Variants in ZSCAN4 observed in about 807,000 individuals in gnomAD.
ZSCAN4 encodes the protein zinc finger and SCAN domain containing 4.
ZSCAN4 carries 18 observed loss-of-function variants against 18.3 expected under a neutral mutation model. That is an observed-to-expected ratio of 0.98 (90% CI 0.68 to 1.46). The LOEUF (loss-of-function observed/expected upper bound fraction) is 1.46, where lower values mean the gene tolerates loss of function less well. ZSCAN4 is among the 40% of genes most tolerant of loss of function. The pLI, the probability that ZSCAN4 is intolerant of heterozygous loss-of-function variation, is 0.00. For synonymous variants in ZSCAN4, 193 were observed against 180.3 expected (o/e 1.07, Z -0.57); for missense variants, 498 against 511.4 (o/e 0.97, Z 0.25).
rs267605731 is a variant in ZSCAN4, at chr19:57,678,191, G to A, written c.588G>A (p.Trp196Ter). The A allele has an allele frequency of 6.2e-7, 1 of 1,614,052 alleles. No individual in the cohort carries two copies. Among genetic ancestry groups the A allele is most frequent in the Non-Finnish European group, 8.5e-7 (1 of 1,179,992 alleles). The change falls in exon 5 of 5, where the codon TGG (tryptophan) becomes TGA (stop). Residue 196 changes from tryptophan (W) to a stop codon, truncating the protein, a stop_gained. Transcript: ENST00000318203. LOFTEE classifies it low-confidence loss of function (END_TRUNC). ...GATATGAAGATGAACAAGATGGCTG[G>A]AACAGTTCTTCGAAAACTACTCGAG... is the stretch of plus-strand genomic sequence containing the variant.
chr19:57,658,749 A>ACTT, the ZSCAN4 span, among the ~76,000 whole-genome samples: 204 of 150,320 alleles, frequency 1.4e-3, no homozygotes, highest in African/African-American at 4.5e-3. Flanking sequence ...CAGGAGAATC[A>ACTT]CTTGAACCCA....
exon 4 of ZSCAN4, chr19:57,677,995 C>G: frequency 6.2e-7 from 1 of 1,602,490 alleles, no homozygotes; most frequent in Non-Finnish European, 8.5e-7. Context: ...TCTCACAAAA[C>G]AAGTGAATGC....
chr19:57,676,303 G>C, exon 3 of ZSCAN4: 1 of 1,614,166 alleles, frequency 6.2e-7, no homozygotes, highest in Non-Finnish European at 8.5e-7. Context: ...TTTCAAGACA[G>C]CAATAATTCA....
chr19:57,676,592 A>G, intron 3 of ZSCAN4, 51 bp downstream of exon 3: 1 of 1,541,378 alleles, frequency 6.5e-7, no homozygotes, highest in Non-Finnish European at 8.7e-7. Context: ...AAAGTAAGGA[A>G]TAAATCACAG....
intron 2 of ZSCAN4, among the ~76,000 whole-genome samples, chr19:57,674,295 A>G (rs563026477): frequency 1.3e-5 from 2 of 152,292 alleles, no homozygotes; most frequent in African/African-American, 4.8e-5. Context: ...ATTGTACCCA[A>G]TGGGTAATTT....
chr19:57,667,519 G>A (rs887838529), upstream of ZSCAN4, among the ~76,000 whole-genome samples: 4 of 152,142 alleles, frequency 2.6e-5, no homozygotes, highest in Non-Finnish European at 5.9e-5. Context: ...TGATGGAAAT[G>A]GGTTAACATA....
At chr19:57,675,972 C>T in intron 2 of ZSCAN4, 69 bp from the exon 3 acceptor site, 1 of 623,220 alleles carries the variant, frequency 1.6e-6, no homozygotes, top group Non-Finnish European at 2.7e-6. Context: ...GTAGGCCTAA[C>T]TTTTTGGTTG....
At chr19:57,670,404 A>G (rs1983983333) in exon 2 of ZSCAN4, 2 of 152,176 alleles carry the variant, frequency 1.3e-5, no homozygotes, top group Non-Finnish European at 2.9e-5. Context: ...TCAGTAATTC[A>G]ATCAACAGAC....
At chr19:57,654,053 G>A in the ZSCAN4 span, among the ~76,000 whole-genome samples, 1 of 152,142 alleles carries the variant, frequency 6.6e-6, no homozygotes, top group African/African-American at 2.4e-5. Flanking sequence ...TTTCCTGTTG[G>A]ATACTGGGCA....
chr19:57,653,146 G>T, the ZSCAN4 span, among the ~76,000 whole-genome samples: 1 of 152,226 alleles, frequency 6.6e-6, no homozygotes, highest in African/African-American at 2.4e-5. Flanking sequence ...AGTCAACTAT[G>T]AAAAGATAAA....
the ZSCAN4 span, among the ~76,000 whole-genome samples, chr19:57,653,681 G>T: frequency 6.6e-6 from 1 of 152,206 alleles, no homozygotes. Context: ...AATACCAGGT[G>T]CTGGCAGATG....
chr19:57,664,183 G>GGAAGGGAA, upstream of ZSCAN4: 1 of 151,862 alleles, frequency 6.6e-6, no homozygotes. Context: ...GAGGAAGGGA[G>GGAAGGGAA]GAAGGGAGGA....
chr19:57,652,669 T>G, the ZSCAN4 span, among the ~76,000 whole-genome samples: 1 of 152,114 alleles, frequency 6.6e-6, no homozygotes, highest in Non-Finnish European at 1.5e-5. Flanking sequence ...CACAGTCCTG[T>G]GCCTAACACC....
the ZSCAN4 span, among the ~76,000 whole-genome samples, chr19:57,654,379 A>G: frequency 6.6e-6 from 1 of 151,890 alleles, no homozygotes; most frequent in East Asian, 1.9e-4. Flanking sequence ...GCCTCTGTCA[A>G]CCCCAAGGTT....
chr19:57,656,531 T>C, the ZSCAN4 span, among the ~76,000 whole-genome samples: 4 of 152,134 alleles, frequency 2.6e-5, no homozygotes, highest in African/African-American at 9.7e-5. Flanking sequence ...GTCTGCCCAG[T>C]TTGTGGTCAG....
chr19:57,669,058 C>CTTCTTTTTTT (rs1555807412), exon 1 of ZSCAN4: 19 of 68,600 alleles, frequency 2.8e-4, no homozygotes, highest in African/African-American at 1.1e-3. Flanking sequence ...TTATATTTTC[C>CTTCTTTTTTT]TTTTTTTTTT....
At chr19:57,667,986 C>T (rs146574576), upstream of ZSCAN4, among the ~76,000 whole-genome samples, 349 of 152,234 alleles carry the variant, frequency 2.3e-3, 2 homozygotes, top group South Asian at 0.011. Context: ...ACTGCAACCT[C>T]GGCCTCCCAG....
At chr19:57,663,979 A>G (rs1983785726), upstream of ZSCAN4, among the ~76,000 whole-genome samples, 1 of 151,692 alleles carries the variant, frequency 6.6e-6, no homozygotes, top group African/African-American at 2.4e-5. Flanking sequence ...ACACCAAAAA[A>G]CAATTAGCCG....
At chr19:57,658,441 TAC>T in the ZSCAN4 span, among the ~76,000 whole-genome samples, 2 of 152,196 alleles carry the variant, frequency 1.3e-5, no homozygotes, top group South Asian at 4.1e-4. Context: ...CATCAAATTA[TAC>T]ACTGGAAATT....
Sources: allele counts gnomAD v4.1 joint callset (sites outside exome capture counted in the v4.1 genomes callset), GRCh38; gene constraint gnomAD v4.1.1; transcripts MANE v1.5; gene names NCBI Gene and HGNC (gene_info 2026-07-23, HGNC 2026-07-21).